RORA: variants seen among roughly 807,000 people sequenced by gnomAD.
The protein encoded by RORA is nuclear receptor ROR-alpha.
RORA carries 7 observed loss-of-function variants against 69.5 expected under a neutral mutation model. The ratio of observed to expected loss-of-function variants is 0.10; its 90% CI spans 0.06 to 0.19. The LOEUF (loss-of-function observed/expected upper bound fraction) is 0.19, where lower values mean the gene tolerates loss of function less well. RORA is among the 10% of genes least tolerant of loss of function. The pLI is 1.00. For synonymous variants in RORA, 261 were observed against 240.8 expected (o/e 1.08, Z -0.78); for missense variants, 457 against 663.0 (o/e 0.69, Z 3.41).
chr15:60,503,148 C>T (rs535191799), intron 7 of RORA, among the ~76,000 whole-genome samples: 13 of 152,334 alleles, frequency 8.5e-5, no homozygotes, highest in African/African-American at 2.9e-4. Context: ...TGCAGAGTCT[C>T]AGAGTTGCTA....
chr15:60,920,480 G>A (rs961927587), intron 1 of RORA, among the ~76,000 whole-genome samples: 1 of 152,136 alleles, frequency 6.6e-6, no homozygotes, highest in Non-Finnish European at 1.5e-5. Flanking sequence ...GGAACTGTCA[G>A]TAGGCCACCC....
At chr15:61,035,254 G>A (rs988091659) in intron 1 of RORA, among the ~76,000 whole-genome samples, 7 of 152,070 alleles carry the variant, frequency 4.6e-5, no homozygotes, top group Admixed American at 6.6e-5. Flanking sequence ...CTGTCAGAGC[G>A]AGTGGCTATA....
At chr15:60,535,147 ACTCAGCCAG>A (rs2066637449) in intron 2 of RORA, among the ~76,000 whole-genome samples, 1 of 152,078 alleles carries the variant, frequency 6.6e-6, no homozygotes, top group Admixed American at 6.6e-5. Context: ...GCACACATTA[ACTCAGCCAG>A]CATTTCAAAG....
chr15:60,658,595 C>T (rs559415704), intron 2 of RORA, among the ~76,000 whole-genome samples: 67 of 149,330 alleles, frequency 4.5e-4, no homozygotes, highest in African/African-American at 1.7e-3. Context: ...TGCACAACCA[C>T]GTGTTTAGAA....
intron 1 of RORA, among the ~76,000 whole-genome samples, chr15:60,723,030 T>C (rs939221132): frequency 1.5e-4 from 23 of 152,188 alleles, no homozygotes; most frequent in Non-Finnish European, 7.4e-5. Context: ...ACCCCAGCTC[T>C]CTGGATGATC....
At chr15:60,830,905 C>T (rs1481917726) in intron 1 of RORA, among the ~76,000 whole-genome samples, 5 of 152,182 alleles carry the variant, frequency 3.3e-5, no homozygotes, top group Admixed American at 2.0e-4. Flanking sequence ...TAGTTCTCTA[C>T]AGTAAAGTGT....
chr15:60,634,032 A>T (rs767417197), intron 2 of RORA, among the ~76,000 whole-genome samples: 1 of 152,192 alleles, frequency 6.6e-6, no homozygotes, highest in Non-Finnish European at 1.5e-5. Context: ...GTTGAAGCAA[A>T]GAATTAAATA....
At chr15:60,603,698 C>G (rs925060275) in intron 2 of RORA, among the ~76,000 whole-genome samples, 1 of 152,220 alleles carries the variant, frequency 6.6e-6, no homozygotes, top group African/African-American at 2.4e-5. Context: ...AGCAGTATAA[C>G]TCATGGCTAG....
rs572784326 is a variant in RORA at position 60,897,615 on chromosome 15, C to T, written c.167-218929G>A. Among the ~76,000 whole-genome samples the T allele has an allele frequency of 3.3e-5, 5 of 152,302 alleles. No individual in the cohort carries two copies. The South Asian group carries it at 8.3e-4, about 25-fold the overall frequency. Reference sequence around the variant, plus strand: ...ATTCCACATCCACTGGATAGATGCCCTGCAGCTAAAGACATCTTTTTGAGC... The same window carrying T: ...ATTCCACATCCACTGGATAGATGCCTTGCAGCTAAAGACATCTTTTTGAGC... On this transcript the variant is annotated intron_variant, in intron 1 of 10. Coordinates refer to ENST00000335670, the MANE Select transcript of RORA (RefSeq NM_134261.3).
rs1381038637 is a variant in RORA, at chr15:61,061,800, C to T, written c.166+167253G>A. On this transcript the variant is annotated intron_variant, in intron 1 of 10. Coordinates refer to ENST00000335670, the MANE Select transcript of RORA (RefSeq NM_134261.3). The surrounding 1 kb of genome is among the most constrained non-coding windows in gnomAD (Gnocchi z 4.4). ...TAGTAAGGCCGGGCACGGTGGTTCACGCCTGTAACCCCAGCACTTTGGGAG... is the reference window on the plus strand; with the variant it reads ...TAGTAAGGCCGGGCACGGTGGTTCATGCCTGTAACCCCAGCACTTTGGGAG... Among the ~76,000 whole-genome samples, 2 of 152,124 alleles carry T rather than the reference C, an allele frequency of 1.3e-5. No individual in the cohort carries two copies. Among genetic ancestry groups the T allele is most frequent in the Admixed American group, 6.5e-5 (1 of 15,278 alleles).
chr15:60,968,631 T>C (rs60219224), intron 1 of RORA, among the ~76,000 whole-genome samples: 1 of 151,924 alleles, frequency 6.6e-6, no homozygotes, highest in Non-Finnish European at 1.5e-5. Context: ...TTTAAAAATG[T>C]CAAACTTACA....
chr15:60,800,978 C>T (rs1431599551), intron 1 of RORA, among the ~76,000 whole-genome samples: 5 of 152,220 alleles, frequency 3.3e-5, no homozygotes. Context: ...TGGCACACAG[C>T]GATTGATTGC....
intron 1 of RORA, among the ~76,000 whole-genome samples, chr15:60,944,160 A>G (rs1892792092): frequency 6.6e-6 from 1 of 152,136 alleles, no homozygotes; most frequent in African/African-American, 2.4e-5. Context: ...GAAGATGAAA[A>G]GCACCTGGGG....
intron 1 of RORA, among the ~76,000 whole-genome samples, chr15:60,684,962 TA>T (rs2070718719): frequency 2.0e-5 from 3 of 152,196 alleles, no homozygotes; most frequent in Non-Finnish European, 2.9e-5. Context: ...TCTTATTCCA[TA>T]AAATGGGAAT....
At chr15:60,771,164 T>C (rs1420452723) in intron 1 of RORA, among the ~76,000 whole-genome samples, 1 of 143,692 alleles carries the variant, frequency 7.0e-6, no homozygotes, top group Non-Finnish European at 1.5e-5. Context: ...TCTTTCTGCC[T>C]TATTTTCTGC....
chr15:60,748,340 G>A (rs985095925), intron 1 of RORA, among the ~76,000 whole-genome samples: 1 of 149,762 alleles, frequency 6.7e-6, no homozygotes, highest in African/African-American at 2.5e-5. Flanking sequence ...CACACATAAG[G>A]AGACATAAAT....
At position 60,981,145 on chromosome 15, in the gene RORA, CT is replaced by C. The variant is rs1218616501; in HGVS notation, c.166+247907del. Among the ~76,000 whole-genome samples the C allele has an allele frequency of 2.6e-4, 40 of 151,398 alleles. No homozygotes were observed. In the East Asian group the frequency reaches 7.8e-3, roughly 29 times the overall value. ...TGAATGTCATCACACTGCCTTTGGC[CT>C]CCATGGTTTGTGATGAGAAATCAGT... On this transcript the variant is annotated intron_variant, in intron 1 of 10. Coordinates refer to ENST00000335670, the MANE Select transcript of RORA (RefSeq NM_134261.3).
In RORA at chr15:60,899,999, T is replaced by C. The variant is rs564374119; in HGVS notation, c.167-221313A>G. On this transcript the variant is annotated intron_variant, in intron 1 of 10. Coordinates refer to ENST00000335670, the MANE Select transcript of RORA (RefSeq NM_134261.3). The stretch of plus-strand genomic sequence containing the variant: ...TTTTCTGCAGAATTATTTTAGTTGT[T>C]CCTAAAAAGAACAAGATAGCCTTTC... Among the ~76,000 whole-genome samples, 20 of 152,328 alleles carry C rather than the reference T, an allele frequency of 1.3e-4. No homozygotes were observed. The East Asian group carries it at 3.7e-3, about 28-fold the overall frequency.
chr15:60,601,525 C>T (rs947439790), intron 2 of RORA, among the ~76,000 whole-genome samples: 4 of 152,068 alleles, frequency 2.6e-5, no homozygotes, highest in African/African-American at 9.7e-5. Context: ...TCAAAGCTGA[C>T]GTTCCTAAAA....
Sources: gnomAD v4.1 joint callset for allele counts (sites outside exome capture counted in the v4.1 genomes callset) on GRCh38, gnomAD v4.1.1 for gene constraint, Gnocchi (gnomAD v3.1) non-coding constraint, MANE v1.5 for transcripts, NCBI Gene and HGNC (gene_info 2026-07-23, HGNC 2026-07-21) for gene names.